The following BTBD9 variants were observed in gnomAD, a reference collection of about 807,000 sequenced individuals.
BTBD9 encodes the protein BTB domain containing 9, also known as BTB/POZ domain-containing protein 9.
BTBD9 carries 49 observed loss-of-function variants against 64.3 expected under a neutral mutation model. The observed-to-expected ratio is 0.76, with a 90% CI of 0.61 to 0.97. The LOEUF is 0.97. Among genes scored for constraint, BTBD9 ranks in the 50% least tolerant of loss-of-function variants. The pLI is 0.00. For missense variants in BTBD9, 598 were observed against 762.1 expected, an observed-to-expected ratio of 0.78 and a Z score of 2.53; for synonymous variants, 260 against 274.7, an observed-to-expected ratio of 0.95 and a Z score of 0.53.
intron 6 of BTBD9, among the ~76,000 whole-genome samples, chr6:38,467,725 T>G (rs1770461378): frequency 1.3e-5 from 2 of 152,178 alleles, no homozygotes; most frequent in Admixed American, 1.3e-4. Context: ...TCCTCCTTCC[T>G]CTTGACTTCT....
chr6:38,366,434 C>G (rs1042445315), intron 6 of BTBD9, among the ~76,000 whole-genome samples: 1 of 152,108 alleles, frequency 6.6e-6, no homozygotes, highest in African/African-American at 2.4e-5. Flanking sequence ...ACTGCGGGTC[C>G]CAGTCAGCTG....
intron 1 of BTBD9, among the ~76,000 whole-genome samples, chr6:38,632,372 T>A (rs1778390470): frequency 6.6e-6 from 1 of 152,144 alleles, no homozygotes; most frequent in Non-Finnish European, 1.5e-5. Context: ...ATGAAAACCT[T>A]GCAAGTCAGA....
At position 38,192,654 on chromosome 6, in the gene BTBD9, T is replaced by C. The variant is rs115848675; in HGVS notation, c.1563-57A>G. Reference sequence around the variant, plus strand: ...GATGGTGCAGTTGACTCTCTGGTAGTGTGGCCGATGGAGTCATGTCCACTG... The same window carrying C: ...GATGGTGCAGTTGACTCTCTGGTAGCGTGGCCGATGGAGTCATGTCCACTG... On this transcript the variant is annotated intron_variant, in intron 9 of 10. Coordinates refer to ENST00000481247, the MANE Select transcript of BTBD9 (RefSeq NM_001099272.2). The C allele has an allele frequency of 3.8e-4, 560 of 1,491,776 alleles. 4 individuals carry two copies. The African/African-American group carries it at 6.6e-3, about 18-fold the overall frequency. 92.4% of individuals were successfully genotyped at this position (1,491,776 alleles called of 1,614,324 possible). A position where few individuals can be genotyped will look rare whatever the true frequency, so the allele number is the denominator to read the frequency against.
At chr6:38,193,111 T>G (rs552671750) in intron 9 of BTBD9, among the ~76,000 whole-genome samples, 1 of 151,990 alleles carries the variant, frequency 6.6e-6, no homozygotes, top group African/African-American at 2.4e-5. Flanking sequence ...CAGGAGTTCA[T>G]AAATACATTT....
In BTBD9 at chr6:38,588,668, G is replaced by GT. The variant is rs1174266796; in HGVS notation, c.814+3907dup. ...ATATCTTTGTTGCTGTTAATTGAAAGTATAATTTGCTGGAACACAAAGACC... is the reference window on the plus strand; with the variant it reads ...ATATCTTTGTTGCTGTTAATTGAAAGTTATAATTTGCTGGAACACAAAGACC... On this transcript the variant is annotated intron_variant, in intron 4 of 10. Transcript: ENST00000481247. 8 of 202,890 alleles carry GT rather than the reference G, an allele frequency of 3.9e-5. No homozygotes were observed. The East Asian group carries it at 8.8e-4, about 22-fold the overall frequency. 12.6% of individuals were successfully genotyped at this position (202,890 alleles called of 1,614,324 possible). A position where few individuals can be genotyped will look rare whatever the true frequency, so the allele number is the denominator to read the frequency against.
intron 6 of BTBD9, among the ~76,000 whole-genome samples, chr6:38,539,612 A>AC (rs1774175454): frequency 1.3e-5 from 2 of 152,252 alleles, no homozygotes; most frequent in South Asian, 4.1e-4. Flanking sequence ...TGGTCTATTA[A>AC]TTTTTAAAAG....
chr6:38,402,305 A>T (rs1766965218), intron 6 of BTBD9, among the ~76,000 whole-genome samples: 3 of 151,926 alleles, frequency 2.0e-5, no homozygotes, highest in Admixed American at 2.0e-4. Context: ...CCTTTTCAAA[A>T]TCCCAACACA....
intron 6 of BTBD9, among the ~76,000 whole-genome samples, chr6:38,427,828 G>A (rs948010463): frequency 6.6e-6 from 1 of 151,930 alleles, no homozygotes; most frequent in Non-Finnish European, 1.5e-5. Context: ...CAATAACGAT[G>A]AGGTATGTTA....
At chr6:38,176,234 G>A (rs1282055622) in intron 10 of BTBD9, among the ~76,000 whole-genome samples, 2 of 152,216 alleles carry the variant, frequency 1.3e-5, no homozygotes, top group Non-Finnish European at 2.9e-5. Context: ...GCCTTCTACC[G>A]TAGAATCAAG....
intron 6 of BTBD9, among the ~76,000 whole-genome samples, chr6:38,349,510 C>T (rs1379798816): frequency 6.6e-6 from 1 of 152,066 alleles, no homozygotes; most frequent in Non-Finnish European, 1.5e-5. Flanking sequence ...ATTCCCATAA[C>T]TTTTCACAGT....
chr6:38,457,733 A>T (rs559917286), intron 6 of BTBD9, among the ~76,000 whole-genome samples: 1 of 152,160 alleles, frequency 6.6e-6, no homozygotes, highest in African/African-American at 2.4e-5. Context: ...ATACATGTAT[A>T]AGAAAGGAGA....
At chr6:38,290,901 G>A (rs1347997043) in intron 7 of BTBD9, among the ~76,000 whole-genome samples, 1 of 152,162 alleles carries the variant, frequency 6.6e-6, no homozygotes, top group Non-Finnish European at 1.5e-5. Flanking sequence ...TAACAGACAG[G>A]TACATCTGGG....
chr6:38,469,760 T>A (rs1350796163), intron 6 of BTBD9, among the ~76,000 whole-genome samples: 1 of 152,216 alleles, frequency 6.6e-6, no homozygotes. Context: ...CAAATATCAC[T>A]TAATTTTCAC....
chr6:38,411,035 A>G (rs1404382206), intron 6 of BTBD9, among the ~76,000 whole-genome samples: 3 of 152,014 alleles, frequency 2.0e-5, no homozygotes, highest in African/African-American at 7.2e-5. Context: ...CCAACTCTCC[A>G]TACTCAACCT....
Position 38,181,305 on chromosome 6 carries a change from G to C in BTBD9, c.1642-6123C>G, listed in dbSNP as rs143080487. Among the ~76,000 whole-genome samples, 986 of 152,236 alleles carry C rather than the reference G, an allele frequency of 6.5e-3. 3 individuals carry two copies. Among genetic ancestry groups the C allele is most frequent in the South Asian group, 0.031 (148 of 4,820 alleles). ...CTTTCATGCCAACCAATACAAATAG[G>C]ATTTCTGATCCAAGTTTTCAACTTA... On this transcript the variant is annotated intron_variant, in intron 10 of 10. Transcript: ENST00000481247.
At chr6:38,225,143 C>T (rs931552161) in intron 9 of BTBD9, among the ~76,000 whole-genome samples, 10 of 152,136 alleles carry the variant, frequency 6.6e-5, no homozygotes, top group Non-Finnish European at 1.0e-4. Flanking sequence ...ATTCAAAGGA[C>T]GGAAATGTTC....
chr6:38,425,403 C>T (rs1768100297), intron 6 of BTBD9, among the ~76,000 whole-genome samples: 1 of 151,864 alleles, frequency 6.6e-6, no homozygotes, highest in African/African-American at 2.4e-5. Context: ...GCATAAGTCA[C>T]CGAGCCCAGC....
chr6:38,295,516 A>T (rs1762128513), intron 7 of BTBD9, among the ~76,000 whole-genome samples: 1 of 152,078 alleles, frequency 6.6e-6, no homozygotes, highest in Non-Finnish European at 1.5e-5. Flanking sequence ...ATTCATAAGG[A>T]TATTTTCCTA....
intron 6 of BTBD9, among the ~76,000 whole-genome samples, chr6:38,354,338 T>C (rs1039405174): frequency 1.3e-5 from 2 of 152,180 alleles, no homozygotes; most frequent in African/African-American, 4.8e-5. Context: ...TTTCTTTTCA[T>C]GGAAAACCCA....
Sources: allele counts gnomAD v4.1 joint callset (sites outside exome capture counted in the v4.1 genomes callset), GRCh38; gene constraint gnomAD v4.1.1; transcripts MANE v1.5; gene names NCBI Gene and HGNC (gene_info 2026-07-23, HGNC 2026-07-21).